The following ECE1 variants were observed in gnomAD, a reference collection of about 807,000 sequenced individuals.
The protein encoded by ECE1 is endothelin-converting enzyme 1.
ECE1 carries 35 observed loss-of-function variants against 98.6 expected under a neutral mutation model. That is an observed-to-expected ratio of 0.35 (90% CI 0.27 to 0.47). ECE1 has a LOEUF of 0.47. Ranked by LOEUF, ECE1 falls within the 20% of genes least tolerant of loss-of-function variation. ECE1 has a pLI of 1.00. For synonymous variants in ECE1, 394 were observed against 407.1 expected, an observed-to-expected ratio of 0.97 and a Z score of 0.39; for missense variants, 814 against 1,025.3, an observed-to-expected ratio of 0.79 and a Z score of 2.81.
At chr1:21,269,459 C>G (rs2103316006) in intron 4 of ECE1, among the ~76,000 whole-genome samples, 1 of 152,278 alleles carries the variant, frequency 6.6e-6, no homozygotes. Context: ...CCAATTAACC[C>G]TTAGAGCATC....
intron 8 of ECE1, among the ~76,000 whole-genome samples, chr1:21,254,879 G>C (rs892000706): frequency 3.3e-5 from 5 of 152,154 alleles, no homozygotes; most frequent in African/African-American, 1.2e-4. Flanking sequence ...CCCTAGCACG[G>C]CCTGCATCTC....
Position 21,260,160 on chromosome 1 carries a change from C to CCGGCTGGA in ECE1, c.615+103_615+110dup, listed in dbSNP as rs1477194305. On this transcript the variant is annotated intron_variant, in intron 5 of 18. Transcript: ENST00000374893. The surrounding 1 kb of genome is among the most constrained non-coding windows in gnomAD (Gnocchi z 4.3). ...TCTTTCTGTCTTTCTCTTGGTGCTACCGGCTGGACGTATGAGGTGGGCCAG... is the reference window on the plus strand; with the variant it reads ...TCTTTCTGTCTTTCTCTTGGTGCTACCGGCTGGACGGCTGGACGTATGAGGTGGGCCAG... 9.4e-6 allele frequency: 14 copies of CCGGCTGGA among 1,488,984 alleles called. No homozygotes were observed. In the East Asian group the frequency reaches 2.9e-4, roughly 31 times the overall value. 92.2% of individuals were successfully genotyped at this position (1,488,984 alleles called of 1,614,324 possible). A position where few individuals can be genotyped will look rare whatever the true frequency, so the allele number is the denominator to read the frequency against.
chr1:21,233,298 G>A lies in ECE1; in HGVS notation c.1670+260C>T, dbSNP rs993287955. 2.5e-5 allele frequency: 11 copies of A among 432,928 alleles called. No homozygotes were observed. Among genetic ancestry groups the A allele is most frequent in the African/African-American group, 1.0e-4 (5 of 49,794 alleles). The allele number at this position is 432,928 out of a possible 1,614,324, so 26.8% of individuals were successfully genotyped here. A position where few individuals can be genotyped will look rare whatever the true frequency, so the allele number is the denominator to read the frequency against. On this transcript the variant is annotated intron_variant, in intron 14 of 18. Coordinates refer to ENST00000374893, the MANE Select transcript of ECE1 (RefSeq NM_001397.3). The surrounding 1 kb of genome is among the most constrained non-coding windows in gnomAD (Gnocchi z 4.0). ...TGGAGCGGAGACAAGGTGCCAGATC[G>A]GCTCCGCTCCAGAGGCCAGGCTCAC...
At chr1:21,275,574 G>A (rs1379359787) in intron 3 of ECE1, among the ~76,000 whole-genome samples, 2 of 152,198 alleles carry the variant, frequency 1.3e-5, no homozygotes, top group Non-Finnish European at 2.9e-5. Context: ...CAGCCTGGGC[G>A]ACAAGAGTGA....
chr1:21,232,690 G>C (rs922492335), intron 14 of ECE1, among the ~76,000 whole-genome samples: 1 of 125,602 alleles, frequency 8.0e-6, no homozygotes, highest in African/African-American at 3.2e-5. Flanking sequence ...TTTTTTTTTT[G>C]AGATGGAGTC....
At chr1:21,287,392 G>T (rs1300303726) in intron 2 of ECE1, among the ~76,000 whole-genome samples, 1 of 152,176 alleles carries the variant, frequency 6.6e-6, no homozygotes, top group Non-Finnish European at 1.5e-5. Context: ...CGAGCGTGGT[G>T]ACGTGCGCCT....
In ECE1 at chr1:21,304,315, C is replaced by CAA. The variant is rs71014183; in HGVS notation, c.4-14161_4-14160dup. ...TGGGCAACAGAGCGAGACTCCCTCT[C>CAA]AAAAAAAAAAAAAAAAAAAAAAAAA... On this transcript the variant is annotated intron_variant, in intron 1 of 18. Coordinates refer to the ECE1 transcript ENST00000415912. Among the ~76,000 whole-genome samples, 322 of 48,592 alleles carry CAA rather than the reference C, an allele frequency of 6.6e-3. 26 individuals are homozygous for CAA. The highest frequency in any genetic ancestry group is 0.022 in the African/African-American group (216 of 9,860). The allele number at this position is 48,592 out of a possible 152,430, so 31.9% of individuals were successfully genotyped here.
chr1:21,296,224 T>C (rs1480421751), intron 1 of ECE1, among the ~76,000 whole-genome samples: 3 of 152,258 alleles, frequency 2.0e-5, no homozygotes, highest in East Asian at 3.9e-4. Flanking sequence ...ATAGAAATCA[T>C]GTACCCTTCA....
In ECE1 at chr1:21,319,051, A is replaced by G. The variant is rs576557327; in HGVS notation, c.3+26325T>C. Among the ~76,000 whole-genome samples, 206 of 152,324 alleles carry G rather than the reference A, an allele frequency of 1.4e-3. 1 individual carries two copies. The highest frequency in any genetic ancestry group is 2.5e-3 in the Non-Finnish European group (168 of 68,020). Reference sequence around the variant, plus strand: ...CCGTTTTCTCATCAGCTAAGTCAAAATAATAAAGTGAGGCCAGGCACGGTG... The same window carrying G: ...CCGTTTTCTCATCAGCTAAGTCAAAGTAATAAAGTGAGGCCAGGCACGGTG... On this transcript the variant is annotated intron_variant, in intron 1 of 18. Transcript: ENST00000415912. The surrounding 1 kb of genome is among the most constrained non-coding windows in gnomAD (Gnocchi z 4.4).
chr1:21,295,774 T>C (rs1638338009), intron 1 of ECE1, among the ~76,000 whole-genome samples: 1 of 152,232 alleles, frequency 6.6e-6, no homozygotes. Flanking sequence ...TAACCTATCA[T>C]GAATCCTTTG....
At chr1:21,283,733 A>C (rs2098257630) in intron 2 of ECE1, among the ~76,000 whole-genome samples, 1 of 152,204 alleles carries the variant, frequency 6.6e-6, no homozygotes, top group Non-Finnish European at 1.5e-5. Flanking sequence ...GCTGACCCTC[A>C]CTGTTTGATG....
chr1:21,301,871 A>G (rs1638493461), intron 1 of ECE1, among the ~76,000 whole-genome samples: 1 of 146,504 alleles, frequency 6.8e-6, no homozygotes. Context: ...TTCAACAGCC[A>G]TCTCCTGCAA....
chr1:21,264,671 A>G (rs913275015), intron 4 of ECE1, among the ~76,000 whole-genome samples: 1 of 152,174 alleles, frequency 6.6e-6, no homozygotes, highest in Non-Finnish European at 1.5e-5. Flanking sequence ...CAGGGGCAAT[A>G]CTGCCCCCAG....
At chr1:21,271,095 G>A (rs577551436) in intron 4 of ECE1, among the ~76,000 whole-genome samples, 1 of 152,348 alleles carries the variant, frequency 6.6e-6, no homozygotes, top group African/African-American at 2.4e-5. Context: ...ATCTCAGACT[G>A]GGGCTTTGCT....
intron 1 of ECE1, among the ~76,000 whole-genome samples, chr1:21,330,972 T>C (rs923669242): frequency 6.6e-6 from 1 of 152,174 alleles, no homozygotes; most frequent in Non-Finnish European, 1.5e-5. Context: ...AAGTCAGTTA[T>C]GGAGGAAGCA....
intron 4 of ECE1, among the ~76,000 whole-genome samples, chr1:21,261,940 A>G (rs983149443): frequency 2.0e-5 from 3 of 152,196 alleles, no homozygotes; most frequent in Non-Finnish European, 4.4e-5. Flanking sequence ...GCTTGGAGAA[A>G]AGAAAGCTGT....
chr1:21,279,440 C>T (rs1195467445), intron 2 of ECE1, 108 bp from the exon 3 acceptor site: 1 of 1,583,270 alleles, frequency 6.3e-7, no homozygotes, highest in South Asian at 1.1e-5. Flanking sequence ...GGCATCAGGG[C>T]TGCCTCCTGT....
Position 21,327,262 on chromosome 1 carries a change from C to A in ECE1, c.3+18114G>T, listed in dbSNP as rs1424751277. ...CTGGAAGGCCCTGGGATGGGAGGCT[C>A]CAGCTTAGCGTCTGGCTCTAACGCT... On this transcript the variant is annotated intron_variant, in intron 1 of 18. Coordinates refer to the ECE1 transcript ENST00000415912. This position sits in a 1 kb window ranked among gnomAD's most constrained non-coding sequence, Gnocchi z 4.6. 1.3e-5 allele frequency among the ~76,000 whole-genome samples: 2 copies of A among 152,222 alleles called. No homozygotes were observed. Among genetic ancestry groups the A allele is most frequent in the Non-Finnish European group, 2.9e-5 (2 of 68,034 alleles).
At chr1:21,279,656 C>T (rs2098252107) in intron 2 of ECE1, 1 of 1,416,264 alleles carries the variant, frequency 7.1e-7, no homozygotes. Flanking sequence ...CAAAAAAGAA[C>T]AGGATGTTTG....
Sources: allele counts gnomAD v4.1 joint callset (sites outside exome capture counted in the v4.1 genomes callset), GRCh38; gene constraint gnomAD v4.1.1; non-coding constraint Gnocchi (gnomAD v3.1); transcripts MANE v1.5; gene names NCBI Gene and HGNC (gene_info 2026-07-23, HGNC 2026-07-21).